Variants in ADGRL3 observed in about 807,000 individuals in gnomAD.
The protein encoded by ADGRL3 is calcium-independent alpha-latrotoxin receptor 3.
ADGRL3 carries 62 observed loss-of-function variants against 153.5 expected under a neutral mutation model. That is an observed-to-expected ratio of 0.40 (90% CI 0.33 to 0.50). The LOEUF is 0.50. Among genes scored for constraint, ADGRL3 ranks in the 20% least tolerant of loss-of-function variants. The pLI is 0.47. For missense variants in ADGRL3, 1,641 were observed against 1,859.4 expected (o/e 0.88, Z 2.16); for synonymous variants, 710 against 672.5 (o/e 1.06, Z -0.86).
intron 1 of ADGRL3, among the ~76,000 whole-genome samples, chr4:61,288,428 C>G (rs919182985): frequency 6.6e-6 from 1 of 151,876 alleles, no homozygotes; most frequent in South Asian, 2.1e-4. Flanking sequence ...GCTGCTGTTT[C>G]GCTGCTGTTT....
chr4:61,671,846 G>T (rs1460292924), intron 5 of ADGRL3, among the ~76,000 whole-genome samples: 39 of 152,184 alleles, frequency 2.6e-4, no homozygotes, highest in Middle Eastern at 3.4e-3. Flanking sequence ...TGATTTTCAG[G>T]CCACTGTTCT....
chr4:61,936,181 C>T (rs1245607034), intron 15 of ADGRL3, 136 bp downstream of exon 15: 2 of 875,880 alleles, frequency 2.3e-6, no homozygotes, highest in Non-Finnish European at 3.6e-6. Flanking sequence ...CTTTCTCCTC[C>T]TCTTCCTCCT....
At chr4:61,775,702 CAAAG>C in intron 8 of ADGRL3, 4 of 1,375,070 alleles carry the variant, frequency 2.9e-6, no homozygotes, top group Non-Finnish European at 4.1e-6. Flanking sequence ...TGCAAGCACA[CAAAG>C]GTGGGCTTGG....
intron 19 of ADGRL3, among the ~76,000 whole-genome samples, chr4:61,985,991 G>GTT (rs1158483606): frequency 2.1e-5 from 3 of 140,994 alleles, no homozygotes; most frequent in Admixed American, 7.1e-5. Context: ...ATATAGGTTT[G>GTT]TTTTTTTTTT....
chr4:61,200,611 CCTTT>C lies in ADGRL3; in HGVS notation c.-1386_-1383del, dbSNP rs1317859152. 1.3e-5 allele frequency among the ~76,000 whole-genome samples: 2 copies of C among 151,806 alleles called. No homozygotes were observed. The highest frequency in any genetic ancestry group is 2.0e-4 in the East Asian group (1 of 5,126). ...CCGCCGCCTGTGACTCGCCCCCTCC[CCTTT>C]CTTTCTTCTCTTTTTGCCTTGGTCC... On this transcript the variant is annotated 5_prime_UTR_variant, in exon 1 of 27. Transcript: ENST00000683033.
intron 19 of ADGRL3, among the ~76,000 whole-genome samples, chr4:61,986,177 C>T (rs765169852): frequency 6.6e-6 from 1 of 151,966 alleles, no homozygotes; most frequent in African/African-American, 2.4e-5. Context: ...GATCATGGGA[C>T]TTTACATTTT....
chr4:61,919,203 G>A (rs17239198), intron 13 of ADGRL3, among the ~76,000 whole-genome samples: 6,870 of 152,228 alleles, frequency 0.045, 204 homozygotes, highest in Non-Finnish European at 0.067. Context: ...CAGCAACAGG[G>A]AGTACTTTTA....
At chr4:61,315,589 C>T (rs1053968581) in intron 1 of ADGRL3, among the ~76,000 whole-genome samples, 1 of 152,110 alleles carries the variant, frequency 6.6e-6, no homozygotes, top group Non-Finnish European at 1.5e-5. Context: ...GGCAATCAGG[C>T]TGGGCTTGAT....
chr4:61,346,308 T>TACACACACACACAC lies in ADGRL3; in HGVS notation c.-239-36794_-239-36781dup, dbSNP rs10693257. On this transcript the variant is annotated intron_variant, in intron 1 of 26. Coordinates refer to ENST00000683033, the MANE Select transcript of ADGRL3 (RefSeq NM_001387552.1). ...CTCTCTGTCTCTCTCTGTCACAGTC[T>TACACACACACACAC]ACACACACACACACACACACACACA... 1.6e-4 allele frequency among the ~76,000 whole-genome samples: 23 copies of TACACACACACACAC among 144,638 alleles called. No homozygotes were observed. The South Asian group carries it at 1.8e-3, about 11-fold the overall frequency. The allele number at this position is 144,638 out of a possible 152,430, so 94.9% of individuals were successfully genotyped here.
At chr4:61,915,643 A>G (rs891245407) in intron 13 of ADGRL3, among the ~76,000 whole-genome samples, 10 of 152,174 alleles carry the variant, frequency 6.6e-5, no homozygotes, top group Admixed American at 1.3e-4. Flanking sequence ...ATAAGACCAA[A>G]TACAAACAGA....
intron 21 of ADGRL3, among the ~76,000 whole-genome samples, chr4:62,010,640 T>G (rs1435090301): frequency 1.3e-5 from 2 of 152,124 alleles, no homozygotes; most frequent in African/African-American, 4.8e-5. Flanking sequence ...AGTCTAATAT[T>G]CTATTGTTAA....
At chr4:61,363,154 T>A (rs1282321732) in intron 1 of ADGRL3, among the ~76,000 whole-genome samples, 2 of 152,148 alleles carry the variant, frequency 1.3e-5, no homozygotes, top group Non-Finnish European at 2.9e-5. Flanking sequence ...TTTCTCTATT[T>A]AAGCAATATC....
At chr4:61,531,004 C>T (rs544946567) in intron 4 of ADGRL3, among the ~76,000 whole-genome samples, 3 of 152,166 alleles carry the variant, frequency 2.0e-5, no homozygotes, top group Non-Finnish European at 2.9e-5. Context: ...TAGTCTGTGG[C>T]TCATAGTATT....
At chr4:61,391,854 A>ATTT (rs2096807117) in intron 2 of ADGRL3, among the ~76,000 whole-genome samples, 2 of 120,844 alleles carry the variant, frequency 1.7e-5, no homozygotes, top group African/African-American at 3.4e-5. Flanking sequence ...GAAAAATGCT[A>ATTT]CTTTTTTTTT....
At chr4:61,603,524 G>A (rs1307507276) in intron 5 of ADGRL3, among the ~76,000 whole-genome samples, 1 of 151,874 alleles carries the variant, frequency 6.6e-6, no homozygotes, top group Non-Finnish European at 1.5e-5. Flanking sequence ...TGGGATCAGA[G>A]TTCTCCTTTG....
chr4:61,418,807 T>C (rs1560600291), intron 2 of ADGRL3, among the ~76,000 whole-genome samples: 1 of 150,698 alleles, frequency 6.6e-6, no homozygotes, highest in East Asian at 2.1e-4. Flanking sequence ...TGTTCATGCT[T>C]CCATGAGGGC....
intron 9 of ADGRL3, among the ~76,000 whole-genome samples, chr4:61,851,910 GA>G (rs1343692004): frequency 6.6e-6 from 1 of 152,158 alleles, no homozygotes; most frequent in Non-Finnish European, 1.5e-5. Context: ...CACACCTAGA[GA>G]AAACACTGGC....
intron 13 of ADGRL3, among the ~76,000 whole-genome samples, chr4:61,922,993 A>G (rs965451375): frequency 2.6e-5 from 4 of 152,204 alleles, no homozygotes; most frequent in African/African-American, 7.2e-5. Flanking sequence ...AGACTTTCTA[A>G]GGAAGTGATA....
At chr4:62,067,623 CTT>C (rs1463826462) in intron 25 of ADGRL3, among the ~76,000 whole-genome samples, 5 of 151,766 alleles carry the variant, frequency 3.3e-5, no homozygotes, top group Non-Finnish European at 5.9e-5. Context: ...AGAGAAATAA[CTT>C]TTGTGCAGGA....
Sources: gnomAD v4.1 joint callset for allele counts (sites outside exome capture counted in the v4.1 genomes callset) on GRCh38, gnomAD v4.1.1 for gene constraint, MANE v1.5 for transcripts, NCBI Gene and HGNC (gene_info 2026-07-23, HGNC 2026-07-21) for gene names.